Variants in APBB1IP observed in about 807,000 individuals in gnomAD.
APBB1IP encodes amyloid beta A4 precursor protein-binding family B member 1-interacting protein.
APBB1IP carries 27 observed loss-of-function variants against 64.9 expected under a neutral mutation model. The observed-to-expected ratio is 0.42, with a 90% confidence interval of 0.31 to 0.57. The LOEUF (loss-of-function observed/expected upper bound fraction) is 0.57, where lower values mean the gene tolerates loss of function less well. APBB1IP is among the 20% of genes least tolerant of loss of function. APBB1IP has a pLI of 0.20. For missense variants in APBB1IP, 812 were observed against 845.5 expected (o/e 0.96, Z 0.49); for synonymous variants, 392 against 331.0 (o/e 1.18, Z -2.00).
At chr10:26,520,701 G>A (rs1332258104) in intron 8 of APBB1IP, among the ~76,000 whole-genome samples, 1 of 152,174 alleles carries the variant, frequency 6.6e-6, no homozygotes, top group African/African-American at 2.4e-5. Flanking sequence ...ACACACCTAG[G>A]TTTCAAATGT....
chr10:26,498,485 G>A (rs1042365087), intron 4 of APBB1IP, among the ~76,000 whole-genome samples: 3 of 152,116 alleles, frequency 2.0e-5, no homozygotes, highest in African/African-American at 7.2e-5. Flanking sequence ...CTTCAGCCTG[G>A]ATGACAGAGC....
At chr10:26,477,842 C>T (rs1336337541) in intron 2 of APBB1IP, among the ~76,000 whole-genome samples, 6 of 152,142 alleles carry the variant, frequency 3.9e-5, no homozygotes, top group South Asian at 2.1e-4. Flanking sequence ...GTGATCCTCC[C>T]GCCTCAGCCT....
chr10:26,562,669 C>A (rs1287632896), intron 14 of APBB1IP, among the ~76,000 whole-genome samples: 1 of 151,994 alleles, frequency 6.6e-6, no homozygotes, highest in East Asian at 1.9e-4. Context: ...TGGTGGCATG[C>A]ACCTGTAGTC....
intron 6 of APBB1IP, among the ~76,000 whole-genome samples, chr10:26,511,157 A>G (rs1836254081): frequency 6.6e-6 from 1 of 152,092 alleles, no homozygotes; most frequent in Admixed American, 6.6e-5. Flanking sequence ...CCTGGCTAAC[A>G]TGGTGAAACG....
At chr10:26,508,530 A>C (rs1017214525) in intron 6 of APBB1IP, among the ~76,000 whole-genome samples, 1 of 152,006 alleles carries the variant, frequency 6.6e-6, no homozygotes, top group Non-Finnish European at 1.5e-5. Flanking sequence ...AGATCATTTA[A>C]GTTTTTTCAC....
At chr10:26,506,059 C>A (rs1368712257) in intron 6 of APBB1IP, among the ~76,000 whole-genome samples, 2 of 152,114 alleles carry the variant, frequency 1.3e-5, no homozygotes, top group Non-Finnish European at 1.5e-5. Context: ...TGCCTTGGGA[C>A]CTTGGCACTT....
intron 11 of APBB1IP, among the ~76,000 whole-genome samples, chr10:26,545,812 T>A (rs1836758209): frequency 6.9e-6 from 1 of 145,752 alleles, no homozygotes. Flanking sequence ...TAGCTGGGCG[T>A]GGTGGCACGC....
At chr10:26,468,286 G>A (rs1278727956) in intron 2 of APBB1IP, among the ~76,000 whole-genome samples, 1 of 152,058 alleles carries the variant, frequency 6.6e-6, no homozygotes, top group African/African-American at 2.4e-5. Context: ...TAAAATTATT[G>A]TTACATAGTA....
chr10:26,484,425 C>A (rs899057209), intron 2 of APBB1IP, among the ~76,000 whole-genome samples: 3 of 152,166 alleles, frequency 2.0e-5, no homozygotes, highest in African/African-American at 7.2e-5. Context: ...GCCTCAGACT[C>A]CCAAGTAGCT....
chr10:26,502,414 G>T (rs1157649118), intron 5 of APBB1IP, among the ~76,000 whole-genome samples: 1 of 152,210 alleles, frequency 6.6e-6, no homozygotes, highest in African/African-American at 2.4e-5. Flanking sequence ...GGCCGAGGTG[G>T]ACGGGTCATG....
In APBB1IP at chr10:26,512,044, G is replaced by C; in HGVS notation, c.691+138G>C. Reference sequence around the variant, plus strand: ...ATGCTCTCACTATGCTGCCCAGGCTGATCTCAAAATCCTGTGCTCAAGCGA... The same window carrying C: ...ATGCTCTCACTATGCTGCCCAGGCTCATCTCAAAATCCTGTGCTCAAGCGA... On this transcript the variant is annotated intron_variant, in intron 7 of 14. Coordinates refer to ENST00000376236, the MANE Select transcript of APBB1IP (RefSeq NM_019043.4). 3.7e-6 allele frequency: 4 copies of C among 1,071,638 alleles called. No individual in the cohort carries two copies. The South Asian group carries it at 7.1e-5, about 19-fold the overall frequency. 66.4% of individuals were successfully genotyped at this position (1,071,638 alleles called of 1,614,324 possible).
At chr10:26,550,269 T>C (rs868217104) in intron 11 of APBB1IP, among the ~76,000 whole-genome samples, 22 of 152,270 alleles carry the variant, frequency 1.4e-4, no homozygotes, top group African/African-American at 5.3e-4. Context: ...ACCTTTGACC[T>C]TCCTGTGCCT....
At chr10:26,537,617 T>C (rs1836641712) in intron 10 of APBB1IP, among the ~76,000 whole-genome samples, 1 of 152,214 alleles carries the variant, frequency 6.6e-6, no homozygotes, top group African/African-American at 2.4e-5. Flanking sequence ...ACAAACAATA[T>C]ACTCTGTGAT....
intron 2 of APBB1IP, among the ~76,000 whole-genome samples, chr10:26,478,976 G>C (rs1471083572): frequency 2.0e-5 from 3 of 152,034 alleles, no homozygotes; most frequent in Admixed American, 2.0e-4. Flanking sequence ...TATTTATTTA[G>C]AGCCAAAAAG....
intron 3 of APBB1IP, among the ~76,000 whole-genome samples, chr10:26,492,863 A>G (rs1835973924): frequency 6.6e-6 from 1 of 152,180 alleles, no homozygotes; most frequent in African/African-American, 2.4e-5. Flanking sequence ...ATTGGTAAAC[A>G]TCTTAACAGG....
At chr10:26,441,064 C>T (rs1040864195) in intron 2 of APBB1IP, among the ~76,000 whole-genome samples, 12 of 152,104 alleles carry the variant, frequency 7.9e-5, no homozygotes, top group Non-Finnish European at 1.2e-4. Flanking sequence ...ATGGAGACTA[C>T]GGTGATCTTA....
chr10:26,545,485 G>T lies in APBB1IP; in HGVS notation c.1155+3793G>T, dbSNP rs183522832. The stretch of plus-strand genomic sequence containing the variant: ...ACTAAAAATACAAAAATTAGGCCGG[G>T]CGCGGTGGCTCACGCCTGTAATCCC... On this transcript the variant is annotated intron_variant, in intron 11 of 14. Transcript: ENST00000376236. Among the ~76,000 whole-genome samples the T allele has an allele frequency of 5.6e-3, 848 of 152,296 alleles. 4 individuals are homozygous for T. The highest frequency in any genetic ancestry group is 9.8e-3 in the Non-Finnish European group (666 of 68,024).
intron 11 of APBB1IP, among the ~76,000 whole-genome samples, chr10:26,547,592 C>A (rs1161316011): frequency 6.6e-6 from 1 of 152,162 alleles, no homozygotes; most frequent in African/African-American, 2.4e-5. Context: ...CAGGAACGCG[C>A]CACCACTCCC....
At chr10:26,467,108 G>T (rs1332032345) in intron 2 of APBB1IP, among the ~76,000 whole-genome samples, 1 of 151,914 alleles carries the variant, frequency 6.6e-6, no homozygotes, top group Non-Finnish European at 1.5e-5. Context: ...GTTTCACCAT[G>T]TTGGCCAGGC....
Sources: allele counts gnomAD v4.1 joint callset (sites outside exome capture counted in the v4.1 genomes callset), GRCh38; gene constraint gnomAD v4.1.1; transcripts MANE v1.5; gene names NCBI Gene and HGNC (gene_info 2026-07-23, HGNC 2026-07-21).